The following ZNF362 variants were observed in gnomAD, a reference collection of about 807,000 sequenced individuals.
The protein encoded by ZNF362 is zinc finger protein 362.
In ZNF362, 11 loss-of-function variants were observed where a neutral mutation model predicts 42.9. The ratio of observed to expected loss-of-function variants is 0.26; its 90% CI spans 0.16 to 0.42. The LOEUF (loss-of-function observed/expected upper bound fraction) is 0.42. Ranked by LOEUF, ZNF362 falls within the 20% of genes least tolerant of loss-of-function variation. The probability of loss-of-function intolerance (pLI) is 1.00; values close to 1 mark genes in which losing one functional copy is unlikely to be tolerated. For missense variants in ZNF362, 362 were observed against 576.2 expected (o/e 0.63, Z 3.81); for synonymous variants, 255 against 257.3 (o/e 0.99, Z 0.09).
the ZNF362 span, among the ~76,000 whole-genome samples, chr1:33,144,537 G>A: frequency 2.6e-5 from 4 of 152,340 alleles, no homozygotes; most frequent in East Asian, 3.9e-4. Context: ...TCCTGGGCCC[G>A]ACTGATAGAA....
intron 2 of ZNF362, among the ~76,000 whole-genome samples, chr1:33,272,636 A>G (rs968640310): frequency 6.6e-6 from 1 of 152,022 alleles, no homozygotes; most frequent in Non-Finnish European, 1.5e-5. Flanking sequence ...CCATTCTGGT[A>G]TGCACACTCA....
chr1:33,245,717 C>T, the ZNF362 span, among the ~76,000 whole-genome samples: 5 of 152,266 alleles, frequency 3.3e-5, no homozygotes, highest in African/African-American at 7.2e-5. Flanking sequence ...ACGGGAAGAT[C>T]GCTTGAGGCC....
At chr1:33,152,054 T>A in the ZNF362 span, among the ~76,000 whole-genome samples, 1 of 152,184 alleles carries the variant, frequency 6.6e-6, no homozygotes, top group East Asian at 1.9e-4. Flanking sequence ...GCAAAAACAT[T>A]CTCACACTCA....
At chr1:33,154,089 G>A in the ZNF362 span, among the ~76,000 whole-genome samples, 2 of 152,254 alleles carry the variant, frequency 1.3e-5, no homozygotes, top group African/African-American at 4.8e-5. Context: ...GGCTGCAGCC[G>A]AAGGGAATGG....
At chr1:33,210,457 T>G in the ZNF362 span, among the ~76,000 whole-genome samples, 21 of 152,218 alleles carry the variant, frequency 1.4e-4, no homozygotes, top group Non-Finnish European at 2.5e-4. Flanking sequence ...GGTCCAGAGA[T>G]GAGTTCAAGT....
At chr1:33,172,119 A>G in the ZNF362 span, among the ~76,000 whole-genome samples, 1 of 152,188 alleles carries the variant, frequency 6.6e-6, no homozygotes, top group Non-Finnish European at 1.5e-5. Flanking sequence ...CACCTGCTCC[A>G]TAGGCTTGCT....
chr1:33,151,185 T>C, the ZNF362 span, among the ~76,000 whole-genome samples: 1 of 152,148 alleles, frequency 6.6e-6, no homozygotes, highest in East Asian at 1.9e-4. Flanking sequence ...AGCCTGCAGA[T>C]TGGAGGAAAT....
rs1019968458 is a variant in ZNF362 at position 33,281,497 on chromosome 1, C to G, written c.684-90C>G. ...GGCTCATCACAGGAAAGACCTGTCC[C>G]AGGTGCAAGGTCTCTCTGATGTAGA... On this transcript the variant is annotated intron_variant, in intron 5 of 8. Transcript: ENST00000539719. This position sits in a 1 kb window ranked among gnomAD's most constrained non-coding sequence, Gnocchi z 4.8. The G allele has an allele frequency of 1.6e-5, 20 of 1,281,666 alleles. No homozygotes were observed. Among genetic ancestry groups the G allele is most frequent in the Non-Finnish European group, 2.0e-5 (18 of 897,598 alleles). 79.4% of individuals were successfully genotyped at this position (1,281,666 alleles called of 1,614,324 possible). A position where few individuals can be genotyped will look rare whatever the true frequency, so the allele number is the denominator to read the frequency against.
the ZNF362 span, among the ~76,000 whole-genome samples, chr1:33,168,921 C>T: frequency 3.3e-5 from 5 of 152,212 alleles, no homozygotes; most frequent in East Asian, 9.6e-4. Context: ...AGTCTGCCTT[C>T]CTCACATTGC....
At chr1:33,219,679 A>G in the ZNF362 span, among the ~76,000 whole-genome samples, 1 of 152,096 alleles carries the variant, frequency 6.6e-6, no homozygotes, top group African/African-American at 2.4e-5. Context: ...CAGTTTTGAC[A>G]TGGGGTAAGT....
At chr1:33,155,281 AG>A in the ZNF362 span, among the ~76,000 whole-genome samples, 1 of 151,836 alleles carries the variant, frequency 6.6e-6, no homozygotes, top group East Asian at 2.0e-4. Context: ...CATGTTGGCC[AG>A]GCTGGTCTCG....
At chr1:33,161,656 C>T in the ZNF362 span, among the ~76,000 whole-genome samples, 218 of 152,230 alleles carry the variant, frequency 1.4e-3, 4 homozygotes, top group East Asian at 0.035. This position sits in a 1 kb window ranked among gnomAD's most constrained non-coding sequence, Gnocchi z 4.3. Flanking sequence ...CCCCCTCACC[C>T]GGGGAGGGTG....
intron 8 of ZNF362, among the ~76,000 whole-genome samples, chr1:33,297,636 C>CG (rs1646134769): frequency 6.6e-6 from 1 of 151,646 alleles, no homozygotes; most frequent in Non-Finnish European, 1.5e-5. Flanking sequence ...CTCAGCCTCC[C>CG]GAGTAGCTGG....
chr1:33,234,334 A>G, the ZNF362 span, among the ~76,000 whole-genome samples: 1 of 152,186 alleles, frequency 6.6e-6, no homozygotes. Context: ...AGCCCAGCAT[A>G]CAGTAGGAGC....
intron 8 of ZNF362, among the ~76,000 whole-genome samples, chr1:33,295,603 A>C (rs1570413305): frequency 1.8e-5 from 2 of 109,256 alleles, no homozygotes; most frequent in African/African-American, 5.4e-5. Flanking sequence ...CCTGCTCCGC[A>C]GAGCTACAGA....
chr1:33,248,221 T>C, the ZNF362 span, among the ~76,000 whole-genome samples: 4 of 152,212 alleles, frequency 2.6e-5, no homozygotes, highest in African/African-American at 9.6e-5. Context: ...AGATGCAACA[T>C]GGCTTGCCCA....
intron 6 of ZNF362, among the ~76,000 whole-genome samples, chr1:33,283,762 A>C (rs2148115072): frequency 6.6e-6 from 1 of 152,334 alleles, no homozygotes; most frequent in East Asian, 1.9e-4. Flanking sequence ...GCCAGGTGTC[A>C]GTCTGTTTTC....
the ZNF362 span, among the ~76,000 whole-genome samples, chr1:33,170,803 C>T: frequency 6.6e-6 from 1 of 152,198 alleles, no homozygotes; most frequent in Non-Finnish European, 1.5e-5. Flanking sequence ...TGTCACCTAA[C>T]CTCTCTGTGC....
chr1:33,209,847 A>C, the ZNF362 span, among the ~76,000 whole-genome samples: 2 of 151,636 alleles, frequency 1.3e-5, no homozygotes, highest in African/African-American at 4.8e-5. Flanking sequence ...GTGGTCTATG[A>C]ATTTTGTTGA....
Sources: allele counts gnomAD v4.1 joint callset (sites outside exome capture counted in the v4.1 genomes callset), GRCh38; gene constraint gnomAD v4.1.1; non-coding constraint Gnocchi (gnomAD v3.1); transcripts MANE v1.5; gene names NCBI Gene and HGNC (gene_info 2026-07-23, HGNC 2026-07-21).